Variants in IFI16 observed in about 807,000 individuals in gnomAD.
The protein encoded by IFI16 is gamma-interferon-inducible protein 16.
A neutral mutation model predicts 68.4 loss-of-function variants in IFI16; 49 were observed. That is an observed-to-expected ratio of 0.72 (90% CI 0.57 to 0.91). The LOEUF (loss-of-function observed/expected upper bound fraction) is 0.91. IFI16 is among the 40% of genes least tolerant of loss of function. The pLI is 0.00. For synonymous variants in IFI16, 307 were observed against 315.0 expected (o/e 0.97, Z 0.27); for missense variants, 878 against 942.9 (o/e 0.93, Z 0.90).
intron 1 of IFI16, among the ~76,000 whole-genome samples, chr1:159,012,361 T>A (rs1652619448): frequency 6.6e-6 from 1 of 152,236 alleles, no homozygotes; most frequent in Non-Finnish European, 1.5e-5. Flanking sequence ...TCAGAAAGGC[T>A]ATTTAGTGTA....
At chr1:159,008,212 GATTA>G (rs1652332749), upstream of IFI16, among the ~76,000 whole-genome samples, 1 of 152,096 alleles carries the variant, frequency 6.6e-6, no homozygotes, top group Non-Finnish European at 1.5e-5. Context: ...AATAATGCCT[GATTA>G]ATATAAATTT....
intron 8 of IFI16, among the ~76,000 whole-genome samples, chr1:159,048,090 G>A (rs1486798752): frequency 2.7e-5 from 4 of 149,152 alleles, no homozygotes; most frequent in Non-Finnish European, 6.0e-5. Flanking sequence ...TGAAGAGAGG[G>A]GCTTCTCTCC....
intron 4 of IFI16, 65 bp downstream of exon 4, chr1:159,016,765 C>A: frequency 7.1e-7 from 1 of 1,403,086 alleles, no homozygotes; most frequent in South Asian, 1.3e-5. Flanking sequence ...CTGATTTCAC[C>A]GGTTACTTAA....
chr1:159,049,400 G>C, intron 8 of IFI16, 32 bp from the exon 9 acceptor site: 1 of 1,068,754 alleles, frequency 9.4e-7, no homozygotes, highest in East Asian at 2.5e-5. Flanking sequence ...ACATTAACTA[G>C]AAAAAAAGAA....
chr1:159,051,873 A>T lies in IFI16; in HGVS notation c.1860A>T (p.Leu620=). ...GAGTGAAGGTTTTTAATATTGACCT[A>T]AAGGAGAAGTTCACCCCAAAGAAGA... The part of the protein sequence containing the change: ...VFRVKVFNID[L]KEKFTPKKII... Residue 620 remains leucine, a synonymous_variant, in exon 10 of 12, where the codon CTA becomes CTT. Transcript: ENST00000295809. 6.2e-7 allele frequency: 1 copy of T among 1,614,098 alleles called. No homozygotes were observed.
intron 4 of IFI16, among the ~76,000 whole-genome samples, chr1:159,017,899 C>T (rs1292256080): frequency 2.0e-5 from 3 of 152,210 alleles, no homozygotes; most frequent in Non-Finnish European, 2.9e-5. Flanking sequence ...TGAGCCACCG[C>T]GCCTGGCCCT....
intron 10 of IFI16, chr1:159,052,363 A>G: frequency 2.2e-6 from 1 of 452,858 alleles, no homozygotes; most frequent in Non-Finnish European, 4.0e-6. Flanking sequence ...TTGATGATCT[A>G]TTCAGAGCCA....
At chr1:159,008,595 C>T (rs1399961085), upstream of IFI16, among the ~76,000 whole-genome samples, 1 of 152,068 alleles carries the variant, frequency 6.6e-6, no homozygotes, top group Non-Finnish European at 1.5e-5. Flanking sequence ...GTTCTCTACC[C>T]TTTGACCTCT....
intron 7 of IFI16, among the ~76,000 whole-genome samples, chr1:159,040,231 A>C (rs1654544270): frequency 6.6e-6 from 1 of 152,228 alleles, no homozygotes; most frequent in Non-Finnish European, 1.5e-5. Context: ...AATTGGAAAA[A>C]GCAAATCACA....
At position 159,049,737 on chromosome 1, in the gene IFI16, G is replaced by C. The variant is rs940377215; in HGVS notation, c.1665+138G>C. ...ACCAAATCAGTCATTTATTTATCAA[G>C]TGTGTATTTTGAGGTCCTATCCAAA... On this transcript the variant is annotated intron_variant, in intron 9 of 11. Coordinates refer to ENST00000295809, the MANE Select transcript of IFI16 (RefSeq NM_001376587.1). 3 of 864,862 alleles carry C rather than the reference G, an allele frequency of 3.5e-6. No individual in the cohort carries two copies. The African/African-American group carries it at 5.1e-5, about 15-fold the overall frequency. The allele number at this position is 864,862 out of a possible 1,614,324, so 53.6% of individuals were successfully genotyped here. A position where few individuals can be genotyped will look rare whatever the true frequency, so the allele number is the denominator to read the frequency against.
chr1:159,011,389 A>C (rs1380958764), intron 1 of IFI16, among the ~76,000 whole-genome samples: 2 of 151,204 alleles, frequency 1.3e-5, no homozygotes, highest in Non-Finnish European at 3.0e-5. Context: ...TCTCAAAAAA[A>C]AAAAAAAATT....
intron 6 of IFI16, among the ~76,000 whole-genome samples, chr1:159,027,442 G>T (rs1653740218): frequency 7.7e-6 from 1 of 130,704 alleles, no homozygotes. Context: ...TTTTGTTGAA[G>T]ATTTTTGCAT....
chr1:159,053,634 A>G lies in IFI16; in HGVS notation c.2187A>G (p.Glu729=), dbSNP rs2101939966. 1 of 1,614,022 alleles carries G rather than the reference A, an allele frequency of 6.2e-7. No homozygotes were observed. The highest frequency in any genetic ancestry group is 8.5e-7 in the Non-Finnish European group (1 of 1,179,860). ...HGRLTTINCE[E]GDKLKLTCFE... ...GACTGACCACAATCAACTGTGAGGA[A>G]GGAGATAAACTGAAACTCACCTGCT... Residue 729 remains glutamate, a synonymous_variant, in exon 11 of 12, where the codon GAA becomes GAG. Coordinates refer to ENST00000295809, the MANE Select transcript of IFI16 (RefSeq NM_001376587.1).
In IFI16 at chr1:159,037,974, C is replaced by T. The variant is rs577211188; in HGVS notation, c.1329+5283C>T. ...TTGTTACAAAATTATGCCATATATT[C>T]GTCATTGTATCTCCATAAAGATAAA... On this transcript the variant is annotated intron_variant, in intron 7 of 11. Transcript: ENST00000295809. 1.1e-4 allele frequency among the ~76,000 whole-genome samples: 16 copies of T among 152,186 alleles called. No individual in the cohort carries two copies. In the East Asian group the frequency reaches 1.9e-3, roughly 18 times the overall value.
At chr1:159,028,286 G>C (rs77355273) in intron 6 of IFI16, among the ~76,000 whole-genome samples, 3,033 of 152,164 alleles carry the variant, frequency 0.02, 115 homozygotes, top group African/African-American at 0.069. Context: ...GATCATACGG[G>C]AGCAGGTTAT....
Position 159,045,346 on chromosome 1 carries a change from T to C in IFI16, c.1379T>C (p.Ile460Thr), listed in dbSNP as rs781577360. 6.5e-7 allele frequency: 1 copy of C among 1,529,372 alleles called. No homozygotes were observed. Among genetic ancestry groups the C allele is most frequent in the South Asian group, 1.1e-5 (1 of 88,400 alleles). The allele number at this position is 1,529,372 out of a possible 1,614,324, so 94.7% of individuals were successfully genotyped here. Reference sequence around the variant, plus strand: ...ATGAATGACTTCATGAGGATGCAGATACTGAAGGAAGGGAGTCATTTTCCA... The same window carrying C: ...ATGAATGACTTCATGAGGATGCAGACACTGAAGGAAGGGAGTCATTTTCCA... ...SKMNDFMRMQ[I>T]LKEGSHFPGP... is the part of the protein sequence containing the mutation. Residue 460 changes from isoleucine to threonine, a missense_variant, in exon 8 of 12, where the codon ATA (isoleucine) becomes ACA (threonine). By Grantham distance (89) the Ile-to-Thr change is moderately conservative (BLOSUM62 -1). Around this residue, in one of 4 missense-constraint regions of IFI16, gnomAD observed 59 missense variants for 119.0 expected, o/e 0.50. Coordinates refer to ENST00000295809, the MANE Select transcript of IFI16 (RefSeq NM_001376587.1).
At chr1:159,032,781 T>G in intron 7 of IFI16, 90 bp downstream of exon 7, 56 of 981,864 alleles carry the variant, frequency 5.7e-5, no homozygotes, top group Non-Finnish European at 6.8e-5. Context: ...CTGTAATCTC[T>G]GTGAATGGAT....
chr1:159,016,722 T>C (rs547567587), intron 4 of IFI16, 22 bp downstream of exon 4: 1 of 1,591,782 alleles, frequency 6.3e-7, no homozygotes, highest in South Asian at 1.1e-5. Context: ...CTGGTCCCAT[T>C]TTGCTTTGTT....
intron 7 of IFI16, among the ~76,000 whole-genome samples, chr1:159,035,052 C>T (rs1013745900): frequency 6.6e-6 from 1 of 152,178 alleles, no homozygotes; most frequent in Non-Finnish European, 1.5e-5. Context: ...TTTACAGTTG[C>T]TTCTTACCCA....
Sources: gnomAD v4.1 joint callset for allele counts (sites outside exome capture counted in the v4.1 genomes callset) on GRCh38, gnomAD v4.1.1 for gene constraint, gnomAD v4.1.1 regional missense constraint, MANE v1.5 for transcripts, NCBI Gene and HGNC (gene_info 2026-07-23, HGNC 2026-07-21) for gene names.